The following ATP6V1C2 variants were observed in gnomAD, a reference collection of about 807,000 sequenced individuals.
The protein encoded by ATP6V1C2 is ATPase H+ transporting V1 subunit C2.
A neutral mutation model predicts 56.8 loss-of-function variants in ATP6V1C2; 45 were observed. The observed-to-expected ratio is 0.79, with a 90% CI of 0.62 to 1.02. The LOEUF (loss-of-function observed/expected upper bound fraction) is 1.02, where lower values mean the gene tolerates loss of function less well. ATP6V1C2 is among the 50% of genes least tolerant of loss of function. The pLI is 0.00. For missense variants in ATP6V1C2, 463 were observed against 519.7 expected (o/e 0.89, Z 1.06); for synonymous variants, 220 against 201.3 (o/e 1.09, Z -0.79).
chr2:10,774,814 G>T lies in ATP6V1C2; in HGVS notation c.665G>T (p.Gly222Val), dbSNP rs768171372. 8.7e-6 allele frequency: 14 copies of T among 1,614,130 alleles called. No homozygotes were observed. The highest frequency in any genetic ancestry group is 2.2e-5 in the East Asian group (1 of 44,868). The change falls in exon 9 of 14, where the codon GGC becomes GTC. Residue 222 changes from glycine (G) to valine (V), a missense_variant. Transcript: ENST00000272238. ...TKLITEDKEG[G>V]LFTVTLFRKV... ...CTCATTACTGAGGACAAGGAAGGGG[G>T]CCTTTTCACTGTGACTCTGTTTCGA...
At chr2:10,762,250 ATTC>A (rs1247139121) in intron 4 of ATP6V1C2, among the ~76,000 whole-genome samples, 2 of 150,118 alleles carry the variant, frequency 1.3e-5, no homozygotes, top group Admixed American at 1.3e-4. Flanking sequence ...GGTTCAAGCG[ATTC>A]TTCTGCCTCA....
chr2:10,751,241 T>G (rs1663196583), intron 3 of ATP6V1C2, among the ~76,000 whole-genome samples: 1 of 151,998 alleles, frequency 6.6e-6, no homozygotes, highest in South Asian at 2.1e-4. Flanking sequence ...TCTCCCTCCT[T>G]CTGATCTCCT....
intron 4 of ATP6V1C2, among the ~76,000 whole-genome samples, chr2:10,756,122 C>T (rs1010706643): frequency 4.6e-5 from 7 of 151,984 alleles, no homozygotes; most frequent in Admixed American, 3.3e-4. Flanking sequence ...TTTAGGAGGC[C>T]GAGGCAGGCA....
At chr2:10,774,924 C>G (rs1159700460) in intron 9 of ATP6V1C2, 44 bp downstream of exon 9, 1 of 1,611,006 alleles carries the variant, frequency 6.2e-7, no homozygotes, top group African/African-American at 1.3e-5. Context: ...TGCGGGGGGT[C>G]TCTGCCCCTC....
chr2:10,781,165 C>T (rs1468032976), intron 12 of ATP6V1C2, among the ~76,000 whole-genome samples: 1 of 152,064 alleles, frequency 6.6e-6, no homozygotes, highest in Non-Finnish European at 1.5e-5. Context: ...AGCGTATGTC[C>T]CTTAAGGACC....
At chr2:10,774,013 A>C (rs2148504530) in intron 8 of ATP6V1C2, among the ~76,000 whole-genome samples, 1 of 152,372 alleles carries the variant, frequency 6.6e-6, no homozygotes, top group African/African-American at 2.4e-5. Flanking sequence ...CTGCTCTTAA[A>C]GGCCAAGAGC....
chr2:10,777,095 T>C (rs905781273), intron 10 of ATP6V1C2, among the ~76,000 whole-genome samples: 4 of 152,232 alleles, frequency 2.6e-5, no homozygotes, highest in African/African-American at 9.6e-5. Context: ...CCCACCTGTT[T>C]GCAGAGACAG....
chr2:10,726,625 G>A, intron 3 of ATP6V1C2, 56 bp downstream of exon 3: 3 of 1,486,864 alleles, frequency 2.0e-6, no homozygotes, highest in African/African-American at 1.4e-5. Flanking sequence ...GTTGTCAGAG[G>A]ACACAGTGTT....
Position 10,733,664 on chromosome 2 carries a change from TA to T in ATP6V1C2, c.197+7104del, listed in dbSNP as rs939455954. Reference sequence around the variant, plus strand: ...AAAAAAAAAACCTCTCTCCCTGTTTTAAAAAAAAAGTTTGAGTCCTTCACAG... The same window carrying T: ...AAAAAAAAAACCTCTCTCCCTGTTTTAAAAAAAAGTTTGAGTCCTTCACAG... On this transcript the variant is annotated intron_variant, in intron 3 of 13. Transcript: ENST00000272238. 1.5e-4 allele frequency among the ~76,000 whole-genome samples: 23 copies of T among 151,610 alleles called. 1 individual carries two copies. The highest frequency in any genetic ancestry group is 1.5e-3 in the South Asian group (7 of 4,796).
At chr2:10,770,002 A>G (rs947698584) in intron 6 of ATP6V1C2, 2 of 152,226 alleles carry the variant, frequency 1.3e-5, no homozygotes, top group Admixed American at 1.3e-4. Flanking sequence ...GTTACCTGGG[A>G]GGTACCCCCA....
At chr2:10,745,833 G>A (rs1168881171) in intron 3 of ATP6V1C2, among the ~76,000 whole-genome samples, 1 of 152,074 alleles carries the variant, frequency 6.6e-6, no homozygotes, top group East Asian at 1.9e-4. Flanking sequence ...TATGAATTAG[G>A]CTATTTTACG....
Position 10,783,341 on chromosome 2 carries a change from C to A in ATP6V1C2, c.*78C>A. 1 of 929,914 alleles carries A rather than the reference C, an allele frequency of 1.1e-6. No homozygotes were observed. Among genetic ancestry groups the A allele is most frequent in the Non-Finnish European group, 1.7e-6 (1 of 588,980 alleles). The allele number at this position is 929,914 out of a possible 1,614,324, so 57.6% of individuals were successfully genotyped here. On this transcript the variant is annotated 3_prime_UTR_variant, in exon 14 of 14. Coordinates refer to ENST00000272238, the MANE Select transcript of ATP6V1C2 (RefSeq NM_001039362.2). The stretch of plus-strand genomic sequence containing the variant: ...TCTTTCCTTTAGCCAGAGAATGGTT[C>A]AAATGTCTTACAGAACTAAGATCTT...
intron 5 of ATP6V1C2, among the ~76,000 whole-genome samples, chr2:10,766,067 A>T (rs997003105): frequency 6.6e-6 from 1 of 152,174 alleles, no homozygotes; most frequent in African/African-American, 2.4e-5. Context: ...TGAGCGAGCG[A>T]TCCAGGACCT....
intron 3 of ATP6V1C2, among the ~76,000 whole-genome samples, chr2:10,737,435 G>A (rs1468682005): frequency 1.3e-5 from 2 of 150,050 alleles, no homozygotes; most frequent in Non-Finnish European, 3.0e-5. Context: ...AAAAAAAAAG[G>A]AAAAAGAAAG....
intron 3 of ATP6V1C2, among the ~76,000 whole-genome samples, chr2:10,732,693 C>T (rs909592818): frequency 2.0e-5 from 3 of 152,026 alleles, no homozygotes; most frequent in Admixed American, 2.0e-4. Flanking sequence ...GAAATGAAGG[C>T]CAGGCGCGGT....
Position 10,784,052 on chromosome 2 carries a change from G to C in ATP6V1C2, c.*789G>C, listed in dbSNP as rs1438226611. On this transcript the variant is annotated 3_prime_UTR_variant, in exon 14 of 14. Transcript: ENST00000272238. ...TGACAGAATACGACTCAATTCACCG[G>C]CTACAACAATTCATAGAATTTTTCA... 1 of 424,896 alleles carries C rather than the reference G, an allele frequency of 2.4e-6. No individual in the cohort carries two copies. 26.3% of individuals were successfully genotyped at this position (424,896 alleles called of 1,614,324 possible).
intron 10 of ATP6V1C2, among the ~76,000 whole-genome samples, chr2:10,776,437 A>G (rs2046794): frequency 0.66 from 100,729 of 152,038 alleles, 34,130 homozygotes; most frequent in African/African-American, 0.81. Flanking sequence ...GGGGACCCCC[A>G]GCCCTTTGGA....
chr2:10,764,302 T>G, intron 4 of ATP6V1C2, 29 bp from the exon 5 acceptor site: 1 of 1,537,130 alleles, frequency 6.5e-7, no homozygotes, highest in Non-Finnish European at 9.0e-7. Context: ...CGCAGGCTCA[T>G]GTGTTGAAAT....
intron 3 of ATP6V1C2, among the ~76,000 whole-genome samples, chr2:10,731,657 T>TTTTTTAAGA (rs1301256129): frequency 6.6e-6 from 1 of 152,172 alleles, no homozygotes; most frequent in Non-Finnish European, 1.5e-5. Context: ...GAGACTGGTC[T>TTTTTTAAGA]CGTGCAGGAA....
Sources: allele counts gnomAD v4.1 joint callset (sites outside exome capture counted in the v4.1 genomes callset), GRCh38; gene constraint gnomAD v4.1.1; transcripts MANE v1.5; gene names NCBI Gene and HGNC (gene_info 2026-07-23, HGNC 2026-07-21).